Variants in LRMDA observed in about 807,000 individuals in gnomAD.
LRMDA encodes leucine-rich melanocyte differentiation-associated protein.
In LRMDA, 18 loss-of-function variants were observed where a neutral mutation model predicts 29.8. The observed-to-expected ratio is 0.60, with a 90% confidence interval of 0.42 to 0.90. LRMDA has a LOEUF of 0.90. Ranked by LOEUF, LRMDA falls within the 40% of genes least tolerant of loss-of-function variation. The probability of loss-of-function intolerance (pLI) is 0.00; values close to 1 mark genes in which losing one functional copy is unlikely to be tolerated. For missense variants in LRMDA, 273 were observed against 273.9 expected, an observed-to-expected ratio of 1.00 and a Z score of 0.02; for synonymous variants, 125 against 109.4, an observed-to-expected ratio of 1.14 and a Z score of -0.89.
intron 6 of LRMDA, among the ~76,000 whole-genome samples, chr10:76,551,035 T>C (rs1019993585): frequency 1.6e-4 from 25 of 152,190 alleles, no homozygotes; most frequent in African/African-American, 6.0e-4. Flanking sequence ...CCTTTCCAGT[T>C]CCCCATGTAT....
At chr10:76,335,624 A>C (rs1231135608) in intron 6 of LRMDA, among the ~76,000 whole-genome samples, 1 of 152,146 alleles carries the variant, frequency 6.6e-6, no homozygotes, top group Admixed American at 6.5e-5. Flanking sequence ...TACATGTAAG[A>C]TATACATTGG....
chr10:76,332,465 C>T (rs1199923474), intron 6 of LRMDA, among the ~76,000 whole-genome samples: 1 of 152,158 alleles, frequency 6.6e-6, no homozygotes, highest in Non-Finnish European at 1.5e-5. Flanking sequence ...TCTGGTTTTT[C>T]TCTCCCAGAG....
intron 2 of LRMDA, among the ~76,000 whole-genome samples, chr10:75,993,870 G>T (rs1381387763): frequency 2.8e-4 from 42 of 152,154 alleles, no homozygotes; most frequent in Non-Finnish European, 1.3e-4. Flanking sequence ...CCCTTTCCCT[G>T]TCAGTCTCCA....
At chr10:75,892,809 A>G (rs903981042) in intron 2 of LRMDA, among the ~76,000 whole-genome samples, 2 of 152,130 alleles carry the variant, frequency 1.3e-5, no homozygotes, top group African/African-American at 4.8e-5. Flanking sequence ...TAACTTTTTA[A>G]CCTTTAAAAC....
intron 2 of LRMDA, among the ~76,000 whole-genome samples, chr10:75,455,358 G>A (rs543190685): frequency 4.3e-4 from 66 of 152,272 alleles, no homozygotes; most frequent in Admixed American, 2.4e-3. Context: ...CAAAGGCCCC[G>A]AGTTGGGTTC....
chr10:75,859,709 C>A (rs1844890065), intron 2 of LRMDA, among the ~76,000 whole-genome samples: 1 of 151,652 alleles, frequency 6.6e-6, no homozygotes, highest in Non-Finnish European at 1.5e-5. Flanking sequence ...TGCCATTCAG[C>A]TTTATGGTAC....
chr10:75,944,527 GAGACTCTA>G (rs149635960), intron 2 of LRMDA, among the ~76,000 whole-genome samples: 247 of 151,284 alleles, frequency 1.6e-3, no homozygotes, highest in African/African-American at 5.8e-3. Context: ...TTCTCCTACT[GAGACTCTA>G]ATTGCATGTA....
At chr10:75,672,928 T>C (rs913031942) in intron 2 of LRMDA, among the ~76,000 whole-genome samples, 7 of 151,084 alleles carry the variant, frequency 4.6e-5, no homozygotes, top group Non-Finnish European at 7.4e-5. Context: ...CCTCTCGGGC[T>C]GCCTGATGAT....
intron 2 of LRMDA, among the ~76,000 whole-genome samples, chr10:76,030,472 A>G (rs1417307493): frequency 2.6e-5 from 4 of 152,230 alleles, no homozygotes; most frequent in African/African-American, 9.6e-5. Flanking sequence ...GGAAAAAAGA[A>G]TATCTCTTAC....
At chr10:75,958,060 A>G (rs1264215006) in intron 2 of LRMDA, among the ~76,000 whole-genome samples, 1 of 152,190 alleles carries the variant, frequency 6.6e-6, no homozygotes, top group Non-Finnish European at 1.5e-5. Flanking sequence ...TATAAACTGA[A>G]AACTGTAGCC....
intron 5 of LRMDA, among the ~76,000 whole-genome samples, chr10:76,181,826 G>A (rs1017251248): frequency 6.6e-6 from 1 of 152,180 alleles, no homozygotes; most frequent in Non-Finnish European, 1.5e-5. Flanking sequence ...AAATCTCACA[G>A]GGGTGCTTGT....
intron 6 of LRMDA, among the ~76,000 whole-genome samples, chr10:76,531,005 G>A (rs1310793158): frequency 2.0e-5 from 3 of 152,112 alleles, no homozygotes; most frequent in Non-Finnish European, 2.9e-5. Context: ...CCATGTTAAT[G>A]TTTAGATAGC....
At chr10:75,599,178 G>T (rs1485703460) in intron 2 of LRMDA, among the ~76,000 whole-genome samples, 3 of 152,160 alleles carry the variant, frequency 2.0e-5, no homozygotes, top group African/African-American at 4.8e-5. Flanking sequence ...TAAAAAGTCT[G>T]CAGAGAGTCT....
At chr10:75,924,168 C>A (rs1387298339) in intron 2 of LRMDA, among the ~76,000 whole-genome samples, 1 of 152,180 alleles carries the variant, frequency 6.6e-6, no homozygotes, top group African/African-American at 2.4e-5. Flanking sequence ...AGACTGCACT[C>A]CTTCCTTTCT....
intron 6 of LRMDA, among the ~76,000 whole-genome samples, chr10:76,354,393 G>A (rs921971194): frequency 3.9e-5 from 6 of 152,144 alleles, no homozygotes; most frequent in African/African-American, 1.4e-4. Context: ...ATAGAAATGT[G>A]TCACAGCAAA....
intron 2 of LRMDA, among the ~76,000 whole-genome samples, chr10:75,525,043 A>G (rs559663526): frequency 6.6e-6 from 1 of 152,268 alleles, no homozygotes; most frequent in Admixed American, 6.5e-5. Context: ...GAGATAATTT[A>G]TTTATTGACT....
chr10:76,074,664 G>A (rs756339508), intron 5 of LRMDA, among the ~76,000 whole-genome samples: 15 of 152,164 alleles, frequency 9.9e-5, no homozygotes, highest in Non-Finnish European at 1.8e-4. Context: ...CCCCAAGAAG[G>A]GAAGTAGATT....
intron 2 of LRMDA, among the ~76,000 whole-genome samples, chr10:75,484,713 A>T (rs1311760278): frequency 2.0e-5 from 3 of 152,206 alleles, no homozygotes; most frequent in Admixed American, 6.5e-5. Context: ...AGGAAGAGAC[A>T]CCAGAGAGCT....
intron 2 of LRMDA, among the ~76,000 whole-genome samples, chr10:75,991,331 C>T (rs1847366804): frequency 1.3e-5 from 2 of 152,064 alleles, no homozygotes; most frequent in South Asian, 4.1e-4. Context: ...CATTGAGTAC[C>T]TCTTACCCAC....
Sources: allele counts gnomAD v4.1 joint callset (sites outside exome capture counted in the v4.1 genomes callset), GRCh38; gene constraint gnomAD v4.1.1; transcripts MANE v1.5; gene names NCBI Gene and HGNC (gene_info 2026-07-23, HGNC 2026-07-21).